MGAT5: variants seen among roughly 807,000 people sequenced by gnomAD.
MGAT5 encodes alpha-1,6-mannosylglycoprotein 6-beta-N-acetylglucosaminyltransferase, also known as alpha-1,6-mannosylglycoprotein 6-beta-N-acetylglucosaminyltransferase A.
Under a neutral mutation model 94.3 loss-of-function variants are expected in MGAT5, and 30 were observed. The ratio of observed to expected loss-of-function variants is 0.32; its 90% confidence interval spans 0.24 to 0.43. The LOEUF (loss-of-function observed/expected upper bound fraction) is 0.43, where lower values mean the gene tolerates loss of function less well. Among genes scored for constraint, MGAT5 ranks in the 20% least tolerant of loss-of-function variants. MGAT5 has a pLI of 1.00. For synonymous variants in MGAT5, 310 were observed against 322.9 expected, an observed-to-expected ratio of 0.96 and a Z score of 0.43; for missense variants, 691 against 905.5, an observed-to-expected ratio of 0.76 and a Z score of 3.04.
chr2:134,127,494 T>TC lies in MGAT5; in HGVS notation c.-143+7203_-143+7204insC, dbSNP rs1558945990. Among the ~76,000 whole-genome samples the TC allele has an allele frequency of 4.6e-4, 58 of 124,974 alleles. No homozygotes were observed. The South Asian group carries it at 7.7e-3, about 17-fold the overall frequency. 82.0% of individuals were successfully genotyped at this position (124,974 alleles called of 152,430 possible). A position where few individuals can be genotyped will look rare whatever the true frequency, so the allele number is the denominator to read the frequency against. On this transcript the variant is annotated intron_variant, in intron 1 of 16. Transcript: ENST00000409645. ...CAGTGAGCTCCTTCAAGGAAAAGGT[T>TC]TCCCCCCCCCCCAGGCTTGTTCCAA...
At chr2:134,396,001 A>G (rs1227375724) in intron 10 of MGAT5, among the ~76,000 whole-genome samples, 1 of 152,212 alleles carries the variant, frequency 6.6e-6, no homozygotes, top group Non-Finnish European at 1.5e-5. Context: ...CCTGTGGGCC[A>G]ATAGGTGGAC....
chr2:134,338,546 GTC>G, intron 6 of MGAT5, 126 bp downstream of exon 6: 1 of 1,064,274 alleles, frequency 9.4e-7, no homozygotes, highest in Non-Finnish European at 1.3e-6. Flanking sequence ...AATCTGCTCA[GTC>G]TCTTGTACAG....
At chr2:134,323,257 G>A (rs913776785) in intron 4 of MGAT5, among the ~76,000 whole-genome samples, 2 of 152,158 alleles carry the variant, frequency 1.3e-5, no homozygotes, top group African/African-American at 2.4e-5. Context: ...ACTAGAGATG[G>A]TAGAGATAAA....
chr2:134,327,914 T>C (rs1420423914), intron 4 of MGAT5, among the ~76,000 whole-genome samples: 1 of 152,124 alleles, frequency 6.6e-6, no homozygotes, highest in Non-Finnish European at 1.5e-5. Context: ...TGACTACCTC[T>C]TAAAATTGAG....
intron 1 of MGAT5, among the ~76,000 whole-genome samples, chr2:134,237,499 A>G (rs1019045190): frequency 2.6e-5 from 4 of 152,322 alleles, no homozygotes; most frequent in South Asian, 2.1e-4. Flanking sequence ...AACATTCCCC[A>G]GGTGGGAATT....
intron 1 of MGAT5, among the ~76,000 whole-genome samples, chr2:134,151,427 C>A (rs1336355084): frequency 7.1e-6 from 1 of 140,818 alleles, no homozygotes; most frequent in Non-Finnish European, 1.5e-5. Context: ...CTGTGGGACC[C>A]ACTCACCGCC....
chr2:134,133,372 A>G (rs1159084183), intron 1 of MGAT5, among the ~76,000 whole-genome samples: 2 of 152,214 alleles, frequency 1.3e-5, no homozygotes, highest in Non-Finnish European at 2.9e-5. Flanking sequence ...TTTATGTTGC[A>G]TGGCTCATGG....
intron 8 of MGAT5, 83 bp from the exon 9 acceptor site, chr2:134,349,722 T>A: frequency 2.0e-6 from 3 of 1,482,352 alleles, no homozygotes; most frequent in Non-Finnish European, 2.8e-6. Context: ...TTTTTAGTAG[T>A]CTTGAAGGAA....
At chr2:134,333,582 A>T (rs922603238) in intron 4 of MGAT5, among the ~76,000 whole-genome samples, 1 of 151,854 alleles carries the variant, frequency 6.6e-6, no homozygotes, top group African/African-American at 2.4e-5. Flanking sequence ...CTTAAAGTAT[A>T]ATAATAATAA....
chr2:134,270,767 G>T (rs1179483542), intron 2 of MGAT5, among the ~76,000 whole-genome samples: 1 of 152,160 alleles, frequency 6.6e-6, no homozygotes, highest in African/African-American at 2.4e-5. Flanking sequence ...TTGGTGGTTT[G>T]TGTGACACAT....
At chr2:134,141,531 G>A (rs1263439924) in intron 1 of MGAT5, among the ~76,000 whole-genome samples, 1 of 151,902 alleles carries the variant, frequency 6.6e-6, no homozygotes, top group Non-Finnish European at 1.5e-5. Flanking sequence ...TGGATGGGTA[G>A]ATGAATGGGT....
chr2:134,332,514 A>G (rs889059424), intron 4 of MGAT5, among the ~76,000 whole-genome samples: 5 of 152,226 alleles, frequency 3.3e-5, no homozygotes, highest in Admixed American at 6.5e-5. Context: ...TTACCATTCA[A>G]GACATAGGCA....
At position 134,190,607 on chromosome 2, in the gene MGAT5, T is replaced by C. The variant is rs1283117283; in HGVS notation, c.-142-63655T>C. On this transcript the variant is annotated intron_variant, in intron 1 of 16. Transcript: ENST00000409645. ...AAGTGGCTGGAGCACCCTAACTAGT[T>C]ACAAAGCTCAAAGGAGGCCCTTTGT... is the stretch of plus-strand genomic sequence containing the variant. 2.0e-5 allele frequency among the ~76,000 whole-genome samples: 3 copies of C among 152,184 alleles called. No individual in the cohort carries two copies. In the East Asian group the frequency reaches 5.8e-4, roughly 29 times the overall value.
At chr2:134,303,053 C>T (rs1686119774) in intron 2 of MGAT5, among the ~76,000 whole-genome samples, 1 of 152,068 alleles carries the variant, frequency 6.6e-6, no homozygotes, top group Non-Finnish European at 1.5e-5. Flanking sequence ...CATCCGTTTA[C>T]ACAAAGGTTC....
chr2:134,252,658 GAATTGAGAGGTTGGCAAAC>G (rs146961171), upstream of MGAT5, among the ~76,000 whole-genome samples: 878 of 152,308 alleles, frequency 5.8e-3, 12 homozygotes, highest in African/African-American at 0.019. Context: ...CACTGGTCTA[GAATTGAGAGGTTGGCAAAC>G]CTTCTCTGTT....
chr2:134,444,134 A>T (rs912609908), intron 15 of MGAT5, among the ~76,000 whole-genome samples: 1 of 152,114 alleles, frequency 6.6e-6, no homozygotes, highest in Non-Finnish European at 1.5e-5. Context: ...CCTAGGTGAT[A>T]GGTAAGATAA....
chr2:134,337,023 C>T (rs902354390), intron 5 of MGAT5, among the ~76,000 whole-genome samples: 16 of 152,142 alleles, frequency 1.1e-4, no homozygotes, highest in Admixed American at 3.9e-4. Flanking sequence ...GCCATTGTAG[C>T]GCAGAGAGCA....
At chr2:134,230,988 A>G (rs1681333981) in intron 1 of MGAT5, among the ~76,000 whole-genome samples, 1 of 152,254 alleles carries the variant, frequency 6.6e-6, no homozygotes. Flanking sequence ...ATGTGCTACA[A>G]CATTGGACCT....
chr2:134,439,778 G>A (rs905072537), intron 14 of MGAT5, among the ~76,000 whole-genome samples: 5 of 152,110 alleles, frequency 3.3e-5, no homozygotes, highest in African/African-American at 1.2e-4. Flanking sequence ...TGCAGCTCTG[G>A]GCCAGCCCCT....
Sources: allele counts gnomAD v4.1 joint callset (sites outside exome capture counted in the v4.1 genomes callset), GRCh38; gene constraint gnomAD v4.1.1; transcripts MANE v1.5; gene names NCBI Gene and HGNC (gene_info 2026-07-23, HGNC 2026-07-21).